The following GPC6 variants were observed in gnomAD, a reference collection of about 807,000 sequenced individuals.
GPC6 encodes glypican-6.
Under a neutral mutation model 55.2 loss-of-function variants are expected in GPC6, and 14 were observed. The observed-to-expected ratio is 0.25, with a 90% CI of 0.17 to 0.40. GPC6 has a LOEUF of 0.40. Among genes scored for constraint, GPC6 ranks in the 10% least tolerant of loss-of-function variants. The pLI, the probability that GPC6 is intolerant of heterozygous loss-of-function variation, is 1.00. For synonymous variants in GPC6, 278 were observed against 259.6 expected (o/e 1.07, Z -0.68); for missense variants, 641 against 708.5 (o/e 0.90, Z 1.08).
intron 4 of GPC6, among the ~76,000 whole-genome samples, chr13:94,082,167 C>T (rs1011411445): frequency 2.0e-5 from 3 of 151,934 alleles, no homozygotes; most frequent in Non-Finnish European, 4.4e-5. Flanking sequence ...AATTCTCTTA[C>T]AAAAAAAGAT....
intron 3 of GPC6, among the ~76,000 whole-genome samples, chr13:93,862,095 T>G (rs982085416): frequency 4.0e-5 from 6 of 151,654 alleles, no homozygotes; most frequent in African/African-American, 1.5e-4. Flanking sequence ...TAGAAGTTTT[T>G]GTGCAATTTG....
intron 3 of GPC6, among the ~76,000 whole-genome samples, chr13:93,934,492 C>T (rs1339279495): frequency 6.6e-6 from 1 of 152,082 alleles, no homozygotes; most frequent in Non-Finnish European, 1.5e-5. Flanking sequence ...TGACACTATA[C>T]AATTCTATGG....
intron 2 of GPC6, among the ~76,000 whole-genome samples, chr13:93,758,227 T>C (rs756550409): frequency 6.6e-6 from 1 of 152,002 alleles, no homozygotes; most frequent in Non-Finnish European, 1.5e-5. Flanking sequence ...GGCTCAAAAA[T>C]AAACAAAAAG....
chr13:94,184,968 A>T (rs1052694235), intron 4 of GPC6, among the ~76,000 whole-genome samples: 6 of 152,228 alleles, frequency 3.9e-5, no homozygotes, highest in Non-Finnish European at 7.3e-5. Flanking sequence ...ACCATAAAAA[A>T]GAATGAAATC....
At chr13:93,642,616 T>A (rs1291389759) in intron 2 of GPC6, among the ~76,000 whole-genome samples, 1 of 152,084 alleles carries the variant, frequency 6.6e-6, no homozygotes. Flanking sequence ...GATTAGAGCT[T>A]GCTAAGAAAA....
chr13:93,478,768 C>A (rs1879393585), intron 1 of GPC6, among the ~76,000 whole-genome samples: 2 of 152,118 alleles, frequency 1.3e-5, no homozygotes, highest in African/African-American at 4.8e-5. Context: ...ATGAAGTGTA[C>A]CTGAACTTTG....
At chr13:93,934,384 G>A (rs935869850) in intron 3 of GPC6, among the ~76,000 whole-genome samples, 2 of 151,992 alleles carry the variant, frequency 1.3e-5, no homozygotes, top group Non-Finnish European at 2.9e-5. Context: ...ATATAGAGTT[G>A]AATAAAATGT....
chr13:94,025,925 AT>A (rs1460358253), intron 3 of GPC6, among the ~76,000 whole-genome samples: 1 of 152,150 alleles, frequency 6.6e-6, no homozygotes, highest in African/African-American at 2.4e-5. Context: ...TTACTCTGGG[AT>A]AAAAAAAATT....
At chr13:93,948,318 A>C (rs1164779680) in intron 3 of GPC6, among the ~76,000 whole-genome samples, 1 of 152,202 alleles carries the variant, frequency 6.6e-6, no homozygotes, top group Non-Finnish European at 1.5e-5. Flanking sequence ...ACAGCCAGTT[A>C]TGTCAGGCTA....
intron 3 of GPC6, among the ~76,000 whole-genome samples, chr13:93,969,808 A>G (rs1373329893): frequency 3.9e-5 from 6 of 152,028 alleles, no homozygotes; most frequent in Middle Eastern, 3.4e-3. Context: ...CCACATGTGA[A>G]TGAGAGCATG....
chr13:93,926,347 A>G (rs1000869102), intron 3 of GPC6, among the ~76,000 whole-genome samples: 5 of 152,216 alleles, frequency 3.3e-5, no homozygotes, highest in African/African-American at 7.2e-5. Flanking sequence ...AAAAAAGAAT[A>G]TGCTAGAAAT....
At chr13:93,867,017 C>T (rs558319773) in intron 3 of GPC6, among the ~76,000 whole-genome samples, 1 of 151,776 alleles carries the variant, frequency 6.6e-6, no homozygotes, top group Admixed American at 6.6e-5. Flanking sequence ...TTTAGCCTAG[C>T]AGAAAACACC....
intron 4 of GPC6, among the ~76,000 whole-genome samples, chr13:94,157,292 T>C (rs9589916): frequency 3.9e-5 from 6 of 152,164 alleles, no homozygotes; most frequent in African/African-American, 1.4e-4. Flanking sequence ...CCTCAAGCCA[T>C]TTATTTTCTA....
chr13:94,021,525 T>G (rs1487647780), intron 3 of GPC6, among the ~76,000 whole-genome samples: 1 of 152,044 alleles, frequency 6.6e-6, no homozygotes, highest in African/African-American at 2.4e-5. Flanking sequence ...CATACATGGC[T>G]AGCCAGGTAG....
chr13:94,208,302 G>A lies in GPC6; in HGVS notation c.878-78047G>A, dbSNP rs1310014114. 2.0e-5 allele frequency among the ~76,000 whole-genome samples: 3 copies of A among 152,154 alleles called. No individual in the cohort carries two copies. In the South Asian group the frequency reaches 6.2e-4, roughly 31 times the overall value. On this transcript the variant is annotated intron_variant, in intron 4 of 8. Transcript: ENST00000377047. The stretch of plus-strand genomic sequence containing the variant: ...CTCAGGTTCTTCATGTCTGAAGTGG[G>A]CGTAAGTGCCTATTTCAGAGTGTTG...
At chr13:94,067,567 GATAGATAGATT>G (rs1352125852) in intron 4 of GPC6, among the ~76,000 whole-genome samples, 1 of 148,788 alleles carries the variant, frequency 6.7e-6, no homozygotes, top group Non-Finnish European at 1.5e-5. Context: ...ATGAGAGATA[GATAGATAGATT>G]ATAGATAGAT....
At chr13:93,425,677 G>A (rs765538862) in intron 1 of GPC6, among the ~76,000 whole-genome samples, 9 of 152,140 alleles carry the variant, frequency 5.9e-5, no homozygotes, top group Non-Finnish European at 1.0e-4. Context: ...GCACTGCTTG[G>A]CTTCCTTTCT....
chr13:93,748,667 G>A (rs546999110), intron 2 of GPC6, among the ~76,000 whole-genome samples: 6 of 152,088 alleles, frequency 3.9e-5, no homozygotes, highest in Admixed American at 3.3e-4. Context: ...AATTCACAAA[G>A]TTCTTTAATT....
At chr13:93,285,490 A>G (rs1878080626) in intron 1 of GPC6, among the ~76,000 whole-genome samples, 2 of 152,080 alleles carry the variant, frequency 1.3e-5, no homozygotes, top group South Asian at 2.1e-4. Context: ...ACTACAAATC[A>G]TGGTTTTGTT....
Sources: allele counts gnomAD v4.1 joint callset (sites outside exome capture counted in the v4.1 genomes callset), GRCh38; gene constraint gnomAD v4.1.1; transcripts MANE v1.5; gene names NCBI Gene and HGNC (gene_info 2026-07-23, HGNC 2026-07-21).